The following SMYD2 variants were observed in gnomAD, a reference collection of about 807,000 sequenced individuals.
SMYD2 encodes N-lysine methyltransferase SMYD2.
A neutral mutation model predicts 59.1 loss-of-function variants in SMYD2; 53 were observed. The ratio of observed to expected loss-of-function variants is 0.90; its 90% CI spans 0.72 to 1.13. The LOEUF (loss-of-function observed/expected upper bound fraction) is 1.13. Ranked by LOEUF, SMYD2 falls within the 50% of genes most tolerant of loss-of-function variation. The pLI is 0.00. For missense variants in SMYD2, 494 were observed against 544.7 expected (o/e 0.91, Z 0.93); for synonymous variants, 208 against 198.8 (o/e 1.05, Z -0.39).
intron 1 of SMYD2, among the ~76,000 whole-genome samples, chr1:214,304,683 A>G (rs911501244): frequency 6.6e-6 from 1 of 151,782 alleles, no homozygotes; most frequent in Admixed American, 6.6e-5. Flanking sequence ...ATTTCTTGCA[A>G]TTTCTAAATA....
At chr1:214,329,478 C>G (rs1014804202) in intron 7 of SMYD2, among the ~76,000 whole-genome samples, 7 of 152,194 alleles carry the variant, frequency 4.6e-5, no homozygotes, top group African/African-American at 1.7e-4. Flanking sequence ...ATGCTCCAAG[C>G]CTTAGTTACA....
intron 1 of SMYD2, among the ~76,000 whole-genome samples, chr1:214,303,769 A>G (rs901096682): frequency 2.0e-5 from 3 of 152,194 alleles, no homozygotes; most frequent in African/African-American, 2.4e-5. Context: ...TATCCGTATT[A>G]TAAGATGTCA....
At chr1:214,319,926 C>T (rs1354843441) in intron 5 of SMYD2, among the ~76,000 whole-genome samples, 1 of 152,216 alleles carries the variant, frequency 6.6e-6, no homozygotes, top group Non-Finnish European at 1.5e-5. Context: ...ACCTAATGTA[C>T]CCTTTGCCCA....
At chr1:214,316,952 G>C (rs17022544) in intron 3 of SMYD2, among the ~76,000 whole-genome samples, 1 of 152,110 alleles carries the variant, frequency 6.6e-6, no homozygotes, top group Non-Finnish European at 1.5e-5. Flanking sequence ...TGGGATCTCC[G>C]CACATCTTGG....
intron 1 of SMYD2, among the ~76,000 whole-genome samples, chr1:214,283,665 A>G (rs1341479062): frequency 1.3e-5 from 2 of 152,168 alleles, no homozygotes; most frequent in Non-Finnish European, 2.9e-5. Context: ...GTCCAGATGT[A>G]TGAGGGGAAC....
At chr1:214,294,417 C>T (rs577703287) in intron 1 of SMYD2, among the ~76,000 whole-genome samples, 28 of 152,296 alleles carry the variant, frequency 1.8e-4, no homozygotes, top group Non-Finnish European at 3.2e-4. Context: ...CCTATATTCC[C>T]AACACTTTGG....
Position 214,327,838 on chromosome 1 carries a change from G to C in SMYD2, c.705+114G>C, listed in dbSNP as rs757886919. 3.5e-6 allele frequency: 3 copies of C among 859,446 alleles called. No homozygotes were observed. In the African/African-American group the frequency reaches 5.0e-5, roughly 14 times the overall value. The allele number at this position is 859,446 out of a possible 1,614,324, so 53.2% of individuals were successfully genotyped here. A position where few individuals can be genotyped will look rare whatever the true frequency, so the allele number is the denominator to read the frequency against. On this transcript the variant is annotated intron_variant, in intron 7 of 11. Transcript: ENST00000366957. ...ACAGTATGAGTTGTGAATGCCTCCA[G>C]CAGTTTAGCTGAGTCTGCCCTCAGG...
At chr1:214,287,376 C>T (rs1356386362) in intron 1 of SMYD2, among the ~76,000 whole-genome samples, 1 of 151,596 alleles carries the variant, frequency 6.6e-6, no homozygotes, top group Admixed American at 6.6e-5. Context: ...TACCTGAGGT[C>T]AGGAGTTTGA....
Position 214,281,293 on chromosome 1 carries a change from C to A in SMYD2, c.39C>A (p.Cys13Ter). The change falls in exon 1 of 12, where the codon TGC becomes TGA. Residue 13 changes from cysteine (C) to a stop codon, truncating the protein, a stop_gained. Coordinates refer to ENST00000366957, the MANE Select transcript of SMYD2 (RefSeq NM_020197.3). LOFTEE classifies it high-confidence loss of function. Reference sequence around the variant, plus strand: ...GCCTCGGCGGCCTGGAGCGCTTCTGCAGCCCGGGCAAAGGCCGGGGGCTGC... The same window carrying A: ...GCCTCGGCGGCCTGGAGCGCTTCTGAAGCCCGGGCAAAGGCCGGGGGCTGC... ...AEGLGGLERF[C>*]SPGKGRGLRA... 1.5e-6 allele frequency: 2 copies of A among 1,348,420 alleles called. No homozygotes were observed. The highest frequency in any genetic ancestry group is 1.9e-6 in the Non-Finnish European group (2 of 1,041,550). 83.5% of individuals were successfully genotyped at this position (1,348,420 alleles called of 1,614,324 possible). A position where few individuals can be genotyped will look rare whatever the true frequency, so the allele number is the denominator to read the frequency against.
intron 1 of SMYD2, among the ~76,000 whole-genome samples, chr1:214,284,264 T>TTTTG (rs1553253670): frequency 9.2e-5 from 13 of 141,680 alleles, no homozygotes; most frequent in Non-Finnish European, 3.1e-5. Context: ...GTTTTTTTTT[T>TTTTG]TTTTTTTTTT....
At chr1:214,301,734 A>G (rs1188050148) in intron 1 of SMYD2, among the ~76,000 whole-genome samples, 1 of 150,356 alleles carries the variant, frequency 6.7e-6, no homozygotes, top group Non-Finnish European at 1.5e-5. Context: ...TCAAGTCTGA[A>G]TAACCACAGT....
At chr1:214,334,162 G>A (rs1045292794) in intron 10 of SMYD2, 38 bp from the exon 11 acceptor site, 17 of 1,588,874 alleles carry the variant, frequency 1.1e-5, no homozygotes, top group African/African-American at 2.7e-5. Flanking sequence ...CTCAGTAGCC[G>A]CTGACATGGT....
At chr1:214,325,635 C>A (rs945171428) in intron 6 of SMYD2, among the ~76,000 whole-genome samples, 3 of 151,948 alleles carry the variant, frequency 2.0e-5, no homozygotes, top group African/African-American at 7.3e-5. Context: ...GAGAAGAATC[C>A]GTACAGTCTG....
chr1:214,320,718 A>C (rs1657160035), intron 5 of SMYD2, among the ~76,000 whole-genome samples: 1 of 152,240 alleles, frequency 6.6e-6, no homozygotes, highest in African/African-American at 2.4e-5. Flanking sequence ...ATTCTTTTAT[A>C]AACTTTATTT....
chr1:214,318,728 G>A lies in SMYD2; in HGVS notation c.410-131G>A. On this transcript the variant is annotated intron_variant, in intron 4 of 11. Transcript: ENST00000366957. This position sits in a 1 kb window ranked among gnomAD's most constrained non-coding sequence, Gnocchi z 5.4. The stretch of plus-strand genomic sequence containing the variant: ...TAATGGGGAAGAATGTTCTCTGGGG[G>A]TTCAACATGTTAGTTTTGGGTTTTT... 9.4e-7 allele frequency: 1 copy of A among 1,067,768 alleles called. No homozygotes were observed. Among genetic ancestry groups the A allele is most frequent in the South Asian group, 1.7e-5 (1 of 59,104 alleles). The allele number at this position is 1,067,768 out of a possible 1,614,324, so 66.1% of individuals were successfully genotyped here. A position where few individuals can be genotyped will look rare whatever the true frequency, so the allele number is the denominator to read the frequency against.
chr1:214,324,763 A>AT lies in SMYD2; in HGVS notation c.602+64dup, dbSNP rs71556605. 8.2e-3 allele frequency: 12,331 copies of AT among 1,495,344 alleles called. 61 individuals carry two copies. Among genetic ancestry groups the AT allele is most frequent in the Middle Eastern group, 0.011 (61 of 5,686 alleles). The allele number at this position is 1,495,344 out of a possible 1,614,324, so 92.6% of individuals were successfully genotyped here. On this transcript the variant is annotated intron_variant, in intron 6 of 11. Coordinates refer to ENST00000366957, the MANE Select transcript of SMYD2 (RefSeq NM_020197.3). ...TTTTTACTTACTTAACACTAATTTGATTTTTTTTTCATTTTTAAATAACCC... is the reference window on the plus strand; with the variant it reads ...TTTTTACTTACTTAACACTAATTTGATTTTTTTTTTCATTTTTAAATAACCC...
intron 1 of SMYD2, among the ~76,000 whole-genome samples, chr1:214,297,511 G>C (rs1392602836): frequency 1.3e-5 from 2 of 152,140 alleles, no homozygotes; most frequent in Non-Finnish European, 2.9e-5. Flanking sequence ...CTCTCTGGCT[G>C]TAACTCCTCA....
chr1:214,331,243 CT>C lies in SMYD2; in HGVS notation c.937+174del. 3 of 949,570 alleles carry C rather than the reference CT, an allele frequency of 3.2e-6. No homozygotes were observed. In the South Asian group the frequency reaches 5.3e-5, roughly 17 times the overall value. 58.8% of individuals were successfully genotyped at this position (949,570 alleles called of 1,614,324 possible). A position where few individuals can be genotyped will look rare whatever the true frequency, so the allele number is the denominator to read the frequency against. ...GACCACCCACAATGTGGTGTCCATC[CT>C]GTTGGAGTTGTATGATTTTATTTCC... On this transcript the variant is annotated intron_variant, in intron 9 of 11. Coordinates refer to ENST00000366957, the MANE Select transcript of SMYD2 (RefSeq NM_020197.3).
rs770067918 is a variant in SMYD2, at chr1:214,331,048, C to G, written c.915C>G (p.Phe305Leu). 3 of 1,614,208 alleles carry G rather than the reference C, an allele frequency of 1.9e-6. No homozygotes were observed. Among genetic ancestry groups the G allele is most frequent in the Admixed American group, 1.7e-5 (1 of 60,026 alleles). Residue 305 changes from phenylalanine (F) to leucine (L), a missense_variant, in exon 9 of 12, where the codon TTC becomes TTG. By Grantham distance (22) the Phe-to-Leu change is conservative. Coordinates refer to ENST00000366957, the MANE Select transcript of SMYD2 (RefSeq NM_020197.3). ...VRYARNVIEE[F>L]RRAKHYKSPS... ...ATGCACGCAACGTCATTGAAGAGTT[C>G]CGGAGGGCCAAGCACTATAAATATA...
Sources: allele counts gnomAD v4.1 joint callset (sites outside exome capture counted in the v4.1 genomes callset), GRCh38; gene constraint gnomAD v4.1.1; non-coding constraint Gnocchi (gnomAD v3.1); transcripts MANE v1.5; gene names NCBI Gene and HGNC (gene_info 2026-07-23, HGNC 2026-07-21).